Variants in TMEM65 observed in about 807,000 individuals in gnomAD.
The protein encoded by TMEM65 is transmembrane protein 65.
TMEM65 carries 22 observed loss-of-function variants against 25.4 expected under a neutral mutation model. The observed-to-expected ratio is 0.86, with a 90% confidence interval of 0.62 to 1.23. TMEM65 has a LOEUF of 1.23. Ranked by LOEUF, TMEM65 falls within the 50% of genes most tolerant of loss-of-function variation. TMEM65 has a pLI of 0.00. For synonymous variants in TMEM65, 132 were observed against 126.2 expected (o/e 1.05, Z -0.31); for missense variants, 262 against 308.2 (o/e 0.85, Z 1.12).
chr8:124,314,096 T>G (rs1814201631), intron 6 of TMEM65, 35 bp from the exon 7 acceptor site: 1 of 1,547,132 alleles, frequency 6.5e-7, no homozygotes, highest in African/African-American at 1.4e-5. Context: ...TTAAAGTTAC[T>G]TTATCTCTGA....
intron 1 of TMEM65, among the ~76,000 whole-genome samples, chr8:124,368,804 A>G (rs1215190635): frequency 6.6e-6 from 1 of 152,226 alleles, no homozygotes; most frequent in East Asian, 1.9e-4. Flanking sequence ...ATCCTGGGCC[A>G]GAAATACTCA....
At chr8:124,327,799 T>A (rs1395445618) in intron 2 of TMEM65, among the ~76,000 whole-genome samples, 1 of 152,142 alleles carries the variant, frequency 6.6e-6, no homozygotes, top group East Asian at 1.9e-4. Flanking sequence ...CTTTTTCTAT[T>A]ATGACTAAAG....
At chr8:124,338,542 AT>A (rs1814539730) in intron 1 of TMEM65, among the ~76,000 whole-genome samples, 1 of 152,156 alleles carries the variant, frequency 6.6e-6, no homozygotes, top group Admixed American at 6.6e-5. Context: ...TGCAGGCAAA[AT>A]GTCATTAAGA....
intron 1 of TMEM65, among the ~76,000 whole-genome samples, chr8:124,333,467 G>A (rs1289750327): frequency 1.1e-5 from 1 of 91,232 alleles, no homozygotes; most frequent in African/African-American, 5.0e-5. Flanking sequence ...GTGTGTGTGT[G>A]TGCGTGTGTG....
At chr8:124,336,626 A>G (rs921098474) in intron 1 of TMEM65, among the ~76,000 whole-genome samples, 4 of 152,014 alleles carry the variant, frequency 2.6e-5, no homozygotes, top group African/African-American at 9.7e-5. Flanking sequence ...TTTCAAACTG[A>G]GTAACAATGA....
At chr8:124,322,038 AAAG>A (rs1222629360) in intron 5 of TMEM65, 64 bp downstream of exon 5, 3 of 1,097,794 alleles carry the variant, frequency 2.7e-6, no homozygotes, top group East Asian at 5.1e-5. Flanking sequence ...CTTCTCAATT[AAAG>A]AAGAGTGGGG....
chr8:124,372,015 G>C lies in TMEM65; in HGVS notation c.143C>G (p.Pro48Arg), dbSNP rs1176969252. ...CGTGCCCAGCCGCCTGGGGCCGCCCGGCAAGCCGCCGGGGGGCGCGAGCGC... is the reference window on the plus strand; with the variant it reads ...CGTGCCCAGCCGCCTGGGGCCGCCCCGCAAGCCGCCGGGGGGCGCGAGCGC... ...LLALAPPGGLPGGPRRLGTHP... is the reference protein window; with the variant it reads ...LLALAPPGGLRGGPRRLGTHP... The change falls in exon 1 of 7, where the codon CCG becomes CGG. Residue 48 changes from proline to arginine, a missense_variant. Pro to Arg is a moderately radical substitution (Grantham distance 103). Transcript: ENST00000297632. 2.6e-5 allele frequency: 34 copies of C among 1,311,012 alleles called. No individual in the cohort carries two copies. The highest frequency in any genetic ancestry group is 3.7e-5 in the Admixed American group (1 of 27,208). The allele number at this position is 1,311,012 out of a possible 1,614,324, so 81.2% of individuals were successfully genotyped here.
chr8:124,320,874 C>A lies in TMEM65; in HGVS notation c.516-683G>T, dbSNP rs191533169. On this transcript the variant is annotated intron_variant, in intron 5 of 6. Transcript: ENST00000297632. ...ATGTGGTATTTGTTATTGAATGATACCCCCCAAAAGAGAGAAGAGAAATAG... is the reference window on the plus strand; with the variant it reads ...ATGTGGTATTTGTTATTGAATGATAACCCCCAAAAGAGAGAAGAGAAATAG... Among the ~76,000 whole-genome samples, 849 of 152,092 alleles carry A rather than the reference C, an allele frequency of 5.6e-3. 2 individuals carry two copies. Among genetic ancestry groups the A allele is most frequent in the Non-Finnish European group, 9.7e-3 (662 of 67,962 alleles).
chr8:124,318,533 G>A (rs998509492), intron 6 of TMEM65, among the ~76,000 whole-genome samples: 5 of 151,430 alleles, frequency 3.3e-5, no homozygotes, highest in South Asian at 2.1e-4. Context: ...CTGCCACCAC[G>A]CCCAGCTAAT....
At chr8:124,345,064 A>T (rs1382109870) in intron 1 of TMEM65, among the ~76,000 whole-genome samples, 1 of 152,208 alleles carries the variant, frequency 6.6e-6, no homozygotes, top group East Asian at 1.9e-4. Flanking sequence ...CTGCCTCCAT[A>T]TGTAGCAAAC....
Position 124,306,736 on chromosome 8 carries a change from G to A in TMEM65, c.*7224C>T, listed in dbSNP as rs1489756894. The A allele has an allele frequency of 1.3e-5, 2 of 152,218 alleles. No individual in the cohort carries two copies. The highest frequency in any genetic ancestry group is 1.3e-4 in the Admixed American group (2 of 15,286). 9.4% of individuals were successfully genotyped at this position (152,218 alleles called of 1,614,324 possible). A position where few individuals can be genotyped will look rare whatever the true frequency, so the allele number is the denominator to read the frequency against. ...GGCCGAGGCAGGCGGATCACCTGAG[G>A]TCAGGAGTTCAAGAGCAGCCTGGCC... On this transcript the variant is annotated 3_prime_UTR_variant, in exon 7 of 7. Coordinates refer to ENST00000297632, the MANE Select transcript of TMEM65 (RefSeq NM_194291.3).
Position 124,372,193 on chromosome 8 carries a change from G to C in TMEM65, c.-36C>G, listed in dbSNP as rs775637059. 1.6e-6 allele frequency: 2 copies of C among 1,255,568 alleles called. No homozygotes were observed. The highest frequency in any genetic ancestry group is 4.3e-5 in the Admixed American group (1 of 23,478). The allele number at this position is 1,255,568 out of a possible 1,614,324, so 77.8% of individuals were successfully genotyped here. On this transcript the variant is annotated 5_prime_UTR_variant, in exon 1 of 7. Transcript: ENST00000297632. ...GGAGCTGGGACCCCCGCGGCCGTCC[G>C]GCAAGGCGGTTTCTGGCGCGGCTGA...
At chr8:124,314,167 C>A (rs772703910) in intron 6 of TMEM65, 106 bp from the exon 7 acceptor site, 1 of 789,954 alleles carries the variant, frequency 1.3e-6, no homozygotes, top group Non-Finnish European at 2.1e-6. Context: ...ATTTGCTACC[C>A]TTCATATATA....
intron 1 of TMEM65, among the ~76,000 whole-genome samples, chr8:124,352,195 A>G (rs1325656260): frequency 6.6e-6 from 1 of 152,180 alleles, no homozygotes; most frequent in African/African-American, 2.4e-5. Flanking sequence ...TGAAAGTTAT[A>G]CTGTTCTAAA....
At chr8:124,315,009 G>C (rs916743085) in intron 6 of TMEM65, among the ~76,000 whole-genome samples, 6 of 151,922 alleles carry the variant, frequency 3.9e-5, no homozygotes, top group African/African-American at 1.4e-4. Flanking sequence ...TTTTGTAAAT[G>C]GTTTTCAAAA....
rs745436608 is a variant in TMEM65, at chr8:124,313,964, C to T, written c.719G>A (p.Ser240Asn). ...GEEDEKLETKS is the reference protein window; with the variant it reads ...GEEDEKLETKN ...TTTATAGGTATTCTAAGAGGATTAA[C>T]TTTTCGTTTCCAGTTTTTCATCTTC... Residue 240 changes from serine (S) to asparagine (N), a missense_variant, in exon 7 of 7, where the codon AGT becomes AAT. By Grantham distance (46) the Ser-to-Asn change is conservative. Coordinates refer to ENST00000297632, the MANE Select transcript of TMEM65 (RefSeq NM_194291.3). The T allele has an allele frequency of 3.9e-5, 63 of 1,608,860 alleles. 1 individual carries two copies. The highest frequency in any genetic ancestry group is 5.0e-5 in the Non-Finnish European group (59 of 1,175,932).
rs144957064 is a variant in TMEM65 at position 124,318,363 on chromosome 8, G to GTTTTTTTTTTTTTTTTTTTTT, written c.621+1722_621+1723insAAAAAAAAAAAAAAAAAAAAA. Among the ~76,000 whole-genome samples, 8 of 73,840 alleles carry GTTTTTTTTTTTTTTTTTTTTT rather than the reference G, an allele frequency of 1.1e-4. 4 individuals are homozygous for GTTTTTTTTTTTTTTTTTTTTT. Among genetic ancestry groups the GTTTTTTTTTTTTTTTTTTTTT allele is most frequent in the African/African-American group, 3.4e-4 (6 of 17,868 alleles). 48.4% of individuals were successfully genotyped at this position (73,840 alleles called of 152,430 possible). On this transcript the variant is annotated intron_variant, in intron 6 of 6. Transcript: ENST00000297632. ...TTGTTTTAAGCTGCTGAATTTGCAT[G>GTTTTTTTTTTTTTTTTTTTTT]TTTTTGTTTTTTTTTTTTTTTTTTT...
chr8:124,367,458 G>A (rs899942474), intron 1 of TMEM65, among the ~76,000 whole-genome samples: 1 of 152,072 alleles, frequency 6.6e-6, no homozygotes, highest in Non-Finnish European at 1.5e-5. Flanking sequence ...GGGCAACAGA[G>A]TGAGACTCTG....
At chr8:124,351,993 G>A (rs964320186) in intron 1 of TMEM65, among the ~76,000 whole-genome samples, 4 of 152,154 alleles carry the variant, frequency 2.6e-5, no homozygotes, top group Non-Finnish European at 5.9e-5. Context: ...ATCACTGGGA[G>A]ACAAGGAGGA....
Sources: allele counts gnomAD v4.1 joint callset (sites outside exome capture counted in the v4.1 genomes callset), GRCh38; gene constraint gnomAD v4.1.1; transcripts MANE v1.5; gene names NCBI Gene and HGNC (gene_info 2026-07-23, HGNC 2026-07-21).